The following DYNC1H1 variants were observed in gnomAD, a reference collection of about 807,000 sequenced individuals.
DYNC1H1 encodes cytoplasmic dynein 1 heavy chain 1.
DYNC1H1 carries 51 observed loss-of-function variants against 527.1 expected under a neutral mutation model. The ratio of observed to expected loss-of-function variants is 0.10; its 90% CI spans 0.08 to 0.12. The LOEUF is 0.12. Among genes scored for constraint, DYNC1H1 ranks in the 10% least tolerant of loss-of-function variants. The pLI, the probability that DYNC1H1 is intolerant of heterozygous loss-of-function variation, is 1.00. For synonymous variants in DYNC1H1, 2,189 were observed against 2,278.8 expected (o/e 0.96, Z 1.12); for missense variants, 2,771 against 5,971.8 (o/e 0.46, Z 17.66).
intron 51 of DYNC1H1, 77 bp downstream of exon 51, chr14:102,030,359 G>T: frequency 6.2e-7 from 1 of 1,608,044 alleles, no homozygotes; most frequent in South Asian, 1.1e-5. Flanking sequence ...TCAGGTCACT[G>T]AACATTGCAC....
intron 28 of DYNC1H1, 107 bp from the exon 29 acceptor site, chr14:102,008,071 A>G: frequency 1.3e-6 from 2 of 1,539,264 alleles, no homozygotes; most frequent in African/African-American, 1.4e-5. Flanking sequence ...GCTAAAGACA[A>G]ACCCACTAGG....
In DYNC1H1 at chr14:102,011,444, C is replaced by T. The variant is rs897038524; in HGVS notation, c.6619-431C>T. The T allele has an allele frequency of 6.7e-5, 23 of 341,614 alleles. No individual in the cohort carries two copies. Among genetic ancestry groups the T allele is most frequent in the Middle Eastern group, 1.0e-3 (1 of 984 alleles). The allele number at this position is 341,614 out of a possible 1,614,324, so 21.2% of individuals were successfully genotyped here. A position where few individuals can be genotyped will look rare whatever the true frequency, so the allele number is the denominator to read the frequency against. On this transcript the variant is annotated intron_variant, in intron 32 of 77. Coordinates refer to ENST00000360184, the MANE Select transcript of DYNC1H1 (RefSeq NM_001376.5). The surrounding 1 kb of genome is among the most constrained non-coding windows in gnomAD (Gnocchi z 5.3). The stretch of plus-strand genomic sequence containing the variant: ...CCATTGGGTCTCTTGTTGTCCTCGG[C>T]GGGATCTGATGTGTCCTTGTTGAGG...
chr14:102,004,993 G>A (rs374715214), intron 25 of DYNC1H1, 43 bp downstream of exon 25: 1 of 1,614,034 alleles, frequency 6.2e-7, no homozygotes, highest in African/African-American at 1.3e-5. Flanking sequence ...TGAAAACGCA[G>A]ACCAATCTTT....
Position 102,051,073 on chromosome 14 carries a change from C to G in DYNC1H1, c.*510C>G, listed in dbSNP as rs917085362. 4.5e-6 allele frequency: 1 copy of G among 220,106 alleles called. No individual in the cohort carries two copies. Among genetic ancestry groups the G allele is most frequent in the Non-Finnish European group, 9.1e-6 (1 of 109,696 alleles). 13.6% of individuals were successfully genotyped at this position (220,106 alleles called of 1,614,324 possible). Reference sequence around the variant, plus strand: ...GAGTCTGGGAGTTAAAGACCAGCCTCGGCAACATAGTGAGACCCCGTCTCT... The same window carrying G: ...GAGTCTGGGAGTTAAAGACCAGCCTGGGCAACATAGTGAGACCCCGTCTCT... On this transcript the variant is annotated 3_prime_UTR_variant, in exon 78 of 78. Coordinates refer to ENST00000360184, the MANE Select transcript of DYNC1H1 (RefSeq NM_001376.5).
rs773227321 is a variant in DYNC1H1, at chr14:102,027,138, A to G, written c.8772-36A>G. The G allele has an allele frequency of 1.9e-6, 3 of 1,601,410 alleles. No individual in the cohort carries two copies. In the African/African-American group the frequency reaches 4.0e-5, roughly 21 times the overall value. ...AGTCAAAAGGGGAATGAGGCATTAT[A>G]AGCCTTAACATTGATCAGTTCTCGT... On this transcript the variant is annotated intron_variant, in intron 44 of 77. Coordinates refer to ENST00000360184, the MANE Select transcript of DYNC1H1 (RefSeq NM_001376.5). The surrounding 1 kb of genome is among the most constrained non-coding windows in gnomAD (Gnocchi z 7.7).
In DYNC1H1 at chr14:102,015,320, C is replaced by T. The variant is rs747876385; in HGVS notation, c.7230C>T (p.Ser2410=). ...AGGATGAGGGGGAGGAGGCCGCTTC[C>T]CCCATGCTGCAGGTACGCCCAGGTG... ...GKEDEGEEAA[S]PMLQIQRDAA... is the part of the protein sequence containing the mutation. The change falls in exon 35 of 78, where the codon TCC becomes TCT. Residue 2410 remains serine (S), a synonymous_variant. Transcript: ENST00000360184. This position sits in a 1 kb window ranked among gnomAD's most constrained non-coding sequence, Gnocchi z 6.9. The T allele has an allele frequency of 1.2e-6, 2 of 1,612,422 alleles. No homozygotes were observed. The highest frequency in any genetic ancestry group is 1.7e-6 in the Non-Finnish European group (2 of 1,179,120).
intron 5 of DYNC1H1, among the ~76,000 whole-genome samples, chr14:101,982,554 T>C (rs1395316681): frequency 6.6e-6 from 1 of 152,004 alleles, no homozygotes; most frequent in East Asian, 1.9e-4. Context: ...ATCACCCCAC[T>C]GCACTCCAGC....
At chr14:101,996,349 C>T (rs2048062304) in intron 15 of DYNC1H1, among the ~76,000 whole-genome samples, 1 of 151,932 alleles carries the variant, frequency 6.6e-6, no homozygotes, top group Non-Finnish European at 1.5e-5. Flanking sequence ...AGGGTGGTCT[C>T]GAACTCCTGG....
intron 5 of DYNC1H1, among the ~76,000 whole-genome samples, chr14:101,981,106 T>G (rs2047858916): frequency 6.6e-6 from 1 of 152,170 alleles, no homozygotes; most frequent in Non-Finnish European, 1.5e-5. Flanking sequence ...GTTTTGTTTT[T>G]TTCTTTTTAA....
chr14:102,015,868 G>A lies in DYNC1H1; in HGVS notation c.7255G>A (p.Ala2419Thr). 1 of 1,614,236 alleles carries A rather than the reference G, an allele frequency of 6.2e-7. No individual in the cohort carries two copies. ...TTCCACTTTCTAGATCCAAAGAGAT[G>A]CAGCTACGATCATGCAACCGTACTT... ...ASPMLQIQRD[A>T]ATIMQPYFTS... The change falls in exon 36 of 78, where the codon GCA becomes ACA. Residue 2419 changes from alanine to threonine, a missense_variant. Coordinates refer to ENST00000360184, the MANE Select transcript of DYNC1H1 (RefSeq NM_001376.5). The surrounding 1 kb of genome is among the most constrained non-coding windows in gnomAD (Gnocchi z 6.9).
rs575600767 is a variant in DYNC1H1 at position 101,983,390 on chromosome 14, A to G, written c.1242A>G (p.Val414=). Residue 414 remains valine (V), a synonymous_variant, in exon 7 of 78, where the codon GTA becomes GTG. Coordinates refer to ENST00000360184, the MANE Select transcript of DYNC1H1 (RefSeq NM_001376.5). The surrounding 1 kb of genome is among the most constrained non-coding windows in gnomAD (Gnocchi z 5.3). ...TTGAAATTATATCCTAGGTTATGGTAGCATGCTTTGAAGTTTTTCAGACTT... is the reference window on the plus strand; with the variant it reads ...TTGAAATTATATCCTAGGTTATGGTGGCATGCTTTGAAGTTTTTCAGACTT... ...VAYEEFEKVM[V]ACFEVFQTWD... 6.8e-6 allele frequency: 11 copies of G among 1,608,030 alleles called. No individual in the cohort carries two copies. In the South Asian group the frequency reaches 1.2e-4, roughly 18 times the overall value.
chr14:101,973,983 C>T (rs889661802), intron 1 of DYNC1H1, among the ~76,000 whole-genome samples: 2 of 152,176 alleles, frequency 1.3e-5, no homozygotes, highest in Non-Finnish European at 2.9e-5. Context: ...TGCTCCACCA[C>T]CCATTTTACA....
intron 4 of DYNC1H1, 138 bp from the exon 5 acceptor site, chr14:101,980,226 C>A (rs1595597821): frequency 1.6e-6 from 2 of 1,221,972 alleles, no homozygotes; most frequent in Non-Finnish European, 2.3e-6. Context: ...GATTTCAAAT[C>A]AAGCCACTTT....
Position 102,049,528 on chromosome 14 carries a change from A to T in DYNC1H1, c.13461A>T (p.Lys4487Asn), listed in dbSNP as rs1253254452. ...TGTCCGACTTCAGCGAGAGGATCAA[A>T]CAGCTGCAGAACATCTCACTGGCAG... is the stretch of plus-strand genomic sequence containing the variant. ...QWVSDFSERI[K>N]QLQNISLAAA... Residue 4487 changes from lysine (K) to asparagine (N), a missense_variant, in exon 75 of 78, where the codon AAA (lysine) becomes AAT (asparagine). Around this residue, in one of 32 missense-constraint regions of DYNC1H1, gnomAD observed 170 missense variants for 249.8 expected, o/e 0.68. Coordinates refer to ENST00000360184, the MANE Select transcript of DYNC1H1 (RefSeq NM_001376.5). This position sits in a 1 kb window ranked among gnomAD's most constrained non-coding sequence, Gnocchi z 5.5. The T allele has an allele frequency of 6.2e-7, 1 of 1,613,948 alleles. No individual in the cohort carries two copies. Among genetic ancestry groups the T allele is most frequent in the Non-Finnish European group, 8.5e-7 (1 of 1,180,030 alleles).
At chr14:102,030,508 C>T (rs2048498992) in intron 51 of DYNC1H1, 3 of 570,774 alleles carry the variant, frequency 5.3e-6, no homozygotes, top group Non-Finnish European at 9.1e-6. Context: ...TAGTGAAACC[C>T]CTCTCATAAA....
intron 23 of DYNC1H1, 28 bp from the exon 24 acceptor site, chr14:102,004,490 T>C (rs1331939119): frequency 6.3e-7 from 1 of 1,594,668 alleles, no homozygotes; most frequent in South Asian, 1.1e-5. Context: ...ATAATATTTT[T>C]GCAACTTGAG....
In DYNC1H1 at chr14:102,027,013, T is replaced by TGCATTCCTCCTGGACTTC; in HGVS notation, c.8772-160_8772-143dup. ...GACAGGACCGTGTCTTACTGGTCTT[T>TGCATTCCTCCTGGACTTC]GCATTCCTCCTGGACTTCACAAATA... On this transcript the variant is annotated intron_variant, in intron 44 of 77. Transcript: ENST00000360184. This position sits in a 1 kb window ranked among gnomAD's most constrained non-coding sequence, Gnocchi z 7.7. 1 of 933,208 alleles carries TGCATTCCTCCTGGACTTC rather than the reference T, an allele frequency of 1.1e-6. No individual in the cohort carries two copies. The highest frequency in any genetic ancestry group is 1.7e-6 in the Non-Finnish European group (1 of 575,992). The allele number at this position is 933,208 out of a possible 1,614,324, so 57.8% of individuals were successfully genotyped here.
In DYNC1H1 at chr14:101,980,566, A is replaced by G; in HGVS notation, c.961+16A>G. ...ACTGACACAGGTAACAACTAGAACT[A>G]ATAATCTGATCAGTAAGTTATTGAT... On this transcript the variant is annotated intron_variant, in intron 5 of 77. Coordinates refer to ENST00000360184, the MANE Select transcript of DYNC1H1 (RefSeq NM_001376.5). 6.2e-7 allele frequency: 1 copy of G among 1,613,422 alleles called. No homozygotes were observed. Among genetic ancestry groups the G allele is most frequent in the Non-Finnish European group, 8.5e-7 (1 of 1,179,598 alleles).
At chr14:102,030,077 T>C (rs2048493925) in intron 50 of DYNC1H1, 85 bp from the exon 51 acceptor site, 3 of 1,579,264 alleles carry the variant, frequency 1.9e-6, no homozygotes, top group East Asian at 2.3e-5. Context: ...TGTGTGTGTG[T>C]TGGCAGAGTG....
Sources: gnomAD v4.1 joint callset for allele counts (sites outside exome capture counted in the v4.1 genomes callset) on GRCh38, gnomAD v4.1.1 for gene constraint, gnomAD v4.1.1 regional missense constraint, Gnocchi (gnomAD v3.1) non-coding constraint, MANE v1.5 for transcripts, NCBI Gene and HGNC (gene_info 2026-07-23, HGNC 2026-07-21) for gene names.